Variants in C12orf42 observed in about 807,000 individuals in gnomAD.
The protein encoded by C12orf42 is chromosome 12 open reading frame 42.
Under a neutral mutation model 21.6 loss-of-function variants are expected in C12orf42, and 25 were observed. The observed-to-expected ratio is 1.16, with a 90% confidence interval of 0.84 to 1.62. The LOEUF (loss-of-function observed/expected upper bound fraction) is 1.62, where lower values mean the gene tolerates loss of function less well. Ranked by LOEUF, C12orf42 falls within the 40% of genes most tolerant of loss-of-function variation. C12orf42 has a pLI of 0.00. For missense variants in C12orf42, 483 were observed against 459.3 expected, an observed-to-expected ratio of 1.05 and a Z score of -0.47; for synonymous variants, 174 against 175.0, an observed-to-expected ratio of 0.99 and a Z score of 0.05.
intron 4 of C12orf42, among the ~76,000 whole-genome samples, chr12:103,285,103 C>A (rs2036363360): frequency 6.6e-6 from 1 of 152,128 alleles, no homozygotes; most frequent in Non-Finnish European, 1.5e-5. Flanking sequence ...TGAGCTAGAA[C>A]ATCAGTACAT....
At chr12:103,275,310 C>A (rs867855768) in intron 5 of C12orf42, among the ~76,000 whole-genome samples, 7 of 152,048 alleles carry the variant, frequency 4.6e-5, no homozygotes, top group Middle Eastern at 3.4e-3. Flanking sequence ...AAAAGAGTAT[C>A]ATGAACAGCC....
intron 2 of C12orf42, among the ~76,000 whole-genome samples, chr12:103,442,772 C>T (rs1279248308): frequency 1.3e-5 from 2 of 151,806 alleles, no homozygotes; most frequent in Non-Finnish European, 2.9e-5. Context: ...ATACATAGAT[C>T]TTTTTAAAAA....
At chr12:103,453,293 C>T (rs183084930) in intron 2 of C12orf42, among the ~76,000 whole-genome samples, 13 of 151,242 alleles carry the variant, frequency 8.6e-5, no homozygotes, top group African/African-American at 1.9e-4. Context: ...AGGTTTTTAA[C>T]GTTATATTAT....
chr12:103,134,195 C>A, the C12orf42 span, among the ~76,000 whole-genome samples: 1 of 152,070 alleles, frequency 6.6e-6, no homozygotes, highest in African/African-American at 2.4e-5. Context: ...ACACAAAAAA[C>A]TTGAAAAATC....
the C12orf42 span, among the ~76,000 whole-genome samples, chr12:103,063,919 C>T: frequency 2.0e-5 from 3 of 152,090 alleles, no homozygotes; most frequent in East Asian, 1.9e-4. Context: ...CACTAAGTAG[C>T]GACTCTGCAT....
the C12orf42 span, among the ~76,000 whole-genome samples, chr12:103,213,456 G>C: frequency 6.6e-6 from 1 of 152,186 alleles, no homozygotes; most frequent in Non-Finnish European, 1.5e-5. Context: ...AGAAGGGCTT[G>C]AATTAATTTG....
chr12:103,380,746 T>C (rs2046094360), intron 3 of C12orf42, among the ~76,000 whole-genome samples: 1 of 152,220 alleles, frequency 6.6e-6, no homozygotes, highest in Non-Finnish European at 1.5e-5. Context: ...TAACAGCAAC[T>C]AACATGTTAT....
chr12:103,411,951 C>T (rs540545953), intron 2 of C12orf42, among the ~76,000 whole-genome samples: 1 of 152,262 alleles, frequency 6.6e-6, no homozygotes, highest in African/African-American at 2.4e-5. Context: ...TACTTCTACT[C>T]TAAATATGTT....
downstream of C12orf42, among the ~76,000 whole-genome samples, chr12:103,297,754 C>A (rs555799401): frequency 2.6e-5 from 4 of 151,328 alleles, no homozygotes; most frequent in East Asian, 7.7e-4. Flanking sequence ...AGCTTATCCA[C>A]CAAGATCAAG....
intron 4 of C12orf42, among the ~76,000 whole-genome samples, chr12:103,362,553 G>A (rs2044211821): frequency 6.6e-6 from 1 of 151,948 alleles, no homozygotes; most frequent in Non-Finnish European, 1.5e-5. Context: ...GGTCAATTAA[G>A]GAGCACCAGA....
chr12:103,518,980 C>T, the C12orf42 span, among the ~76,000 whole-genome samples: 1 of 152,030 alleles, frequency 6.6e-6, no homozygotes, highest in East Asian at 1.9e-4. Flanking sequence ...AATTGTAATC[C>T]CCGTAACCCC....
intron 5 of C12orf42, among the ~76,000 whole-genome samples, chr12:103,302,855 C>G (rs1263145657): frequency 6.6e-6 from 1 of 151,698 alleles, no homozygotes; most frequent in African/African-American, 2.4e-5. Context: ...GAAAACTGTT[C>G]AAAACTCCTA....
chr12:103,128,047 T>C, the C12orf42 span, among the ~76,000 whole-genome samples: 4 of 151,922 alleles, frequency 2.6e-5, no homozygotes, highest in Admixed American at 2.6e-4. Flanking sequence ...CTAGTTGGTA[T>C]CACATCACTT....
chr12:103,230,041 A>C, the C12orf42 span, among the ~76,000 whole-genome samples: 1 of 152,252 alleles, frequency 6.6e-6, no homozygotes, highest in East Asian at 1.9e-4. Context: ...ATGCTGCAAA[A>C]CAAATTATTG....
At chr12:103,065,227 T>A in the C12orf42 span, among the ~76,000 whole-genome samples, 4 of 152,332 alleles carry the variant, frequency 2.6e-5, no homozygotes, top group African/African-American at 9.6e-5. Flanking sequence ...AGAAAATAGA[T>A]GGATCTTGGA....
chr12:103,195,622 C>T, the C12orf42 span, among the ~76,000 whole-genome samples: 136 of 152,022 alleles, frequency 8.9e-4, no homozygotes, highest in African/African-American at 3.2e-3. Context: ...ATGTCATTTG[C>T]CCATTTTTTA....
intron 3 of C12orf42, among the ~76,000 whole-genome samples, chr12:103,400,809 T>C (rs1188886451): frequency 2.6e-5 from 4 of 152,206 alleles, no homozygotes; most frequent in African/African-American, 9.6e-5. Context: ...AAGAGAAAAC[T>C]ATCTCCTCCT....
chr12:103,212,321 C>T, the C12orf42 span, among the ~76,000 whole-genome samples: 1 of 152,130 alleles, frequency 6.6e-6, no homozygotes, highest in Admixed American at 6.6e-5. Context: ...AAAGGAGGTC[C>T]ATAAAATGCA....
the C12orf42 span, among the ~76,000 whole-genome samples, chr12:103,501,492 G>A: frequency 6.6e-5 from 10 of 152,326 alleles, no homozygotes; most frequent in South Asian, 1.9e-3. Context: ...GCAGAGTTGG[G>A]AAAAGATGTG....
Sources: gnomAD v4.1 joint callset for allele counts (sites outside exome capture counted in the v4.1 genomes callset) on GRCh38, gnomAD v4.1.1 for gene constraint, MANE v1.5 for transcripts, NCBI Gene and HGNC (gene_info 2026-07-23, HGNC 2026-07-21) for gene names.